Variants in NME9 observed in about 807,000 individuals in gnomAD.
NME9 encodes the protein NME/NM23 family member 9.
Under a neutral mutation model 44.4 loss-of-function variants are expected in NME9, and 48 were observed. The ratio of observed to expected loss-of-function variants is 1.08; its 90% CI spans 0.86 to 1.37. NME9 has a LOEUF of 1.37. Among genes scored for constraint, NME9 ranks in the 40% most tolerant of loss-of-function variants. NME9 has a pLI of 0.00. For synonymous variants in NME9, 139 were observed against 147.1 expected, an observed-to-expected ratio of 0.94 and a Z score of 0.40; for missense variants, 325 against 405.2, an observed-to-expected ratio of 0.80 and a Z score of 1.70.
intron 6 of NME9, among the ~76,000 whole-genome samples, chr3:138,306,987 C>T (rs1393788646): frequency 6.6e-6 from 1 of 152,224 alleles, no homozygotes; most frequent in African/African-American, 2.4e-5. Flanking sequence ...ACTCTACTGG[C>T]TCCTGTGCCT....
At chr3:138,282,887 T>A (rs2050073105) in intron 8 of NME9, among the ~76,000 whole-genome samples, 1 of 152,156 alleles carries the variant, frequency 6.6e-6, no homozygotes, top group Non-Finnish European at 1.5e-5. Flanking sequence ...AGAGTGCAGA[T>A]TATTATTGAT....
intron 8 of NME9, among the ~76,000 whole-genome samples, chr3:138,294,857 T>G (rs1305275336): frequency 6.6e-6 from 1 of 151,966 alleles, no homozygotes; most frequent in Non-Finnish European, 1.5e-5. Flanking sequence ...ACTGTTCACA[T>G]TATTTTTTGG....
At chr3:138,287,825 C>T in intron 8 of NME9, 1 of 345,180 alleles carries the variant, frequency 2.9e-6, no homozygotes, top group South Asian at 2.4e-5. Flanking sequence ...TTGATACTCT[C>T]TCAGATGTGC....
At position 138,263,986 on chromosome 3, in the gene NME9, A is replaced by G. The variant is rs904822668; in HGVS notation, c.746-1400T>C. The G allele has an allele frequency of 7.4e-6, 7 of 952,044 alleles. No individual in the cohort carries two copies. The African/African-American group carries it at 9.7e-5, about 13-fold the overall frequency. The allele number at this position is 952,044 out of a possible 1,614,324, so 59.0% of individuals were successfully genotyped here. ...TGTCTAACAGAGAGCCTGGCCTCCA[A>G]ACCCCATAAAGTGGTCTGATGTAGT... On this transcript the variant is annotated intron_variant, in intron 8 of 8. Transcript: ENST00000317876.
At chr3:138,264,616 CACCATA>C (rs2048092263) in intron 8 of NME9, among the ~76,000 whole-genome samples, 1 of 151,354 alleles carries the variant, frequency 6.6e-6, no homozygotes. Flanking sequence ...GGCGGGGTTT[CACCATA>C]TTGGTCAGGC....
chr3:138,301,392 A>G lies in NME9; in HGVS notation c.*248T>C. The G allele has an allele frequency of 8.0e-6, 5 of 626,192 alleles. No homozygotes were observed. Among genetic ancestry groups the G allele is most frequent in the Non-Finnish European group, 1.2e-5 (5 of 427,200 alleles). The allele number at this position is 626,192 out of a possible 1,614,324, so 38.8% of individuals were successfully genotyped here. Reference sequence around the variant, plus strand: ...CTAATTTTTTGTATTTTTAGTAGAGACAGGGTTTCACCATGTTGGCTAGGC... The same window carrying G: ...CTAATTTTTTGTATTTTTAGTAGAGGCAGGGTTTCACCATGTTGGCTAGGC... On this transcript the variant is annotated 3_prime_UTR_variant, in exon 11 of 11. Coordinates refer to ENST00000333911, the MANE Select transcript of NME9 (RefSeq NM_001349018.2).
chr3:138,323,648 T>C (rs1406282929), intron 2 of NME9, among the ~76,000 whole-genome samples: 2 of 152,136 alleles, frequency 1.3e-5, no homozygotes, highest in Non-Finnish European at 2.9e-5. Context: ...ATTTCTACAG[T>C]TGGTGATGGG....
At chr3:138,315,672 A>G (rs1477790192) in intron 4 of NME9, 29 bp from the exon 5 acceptor site, 4 of 1,462,994 alleles carry the variant, frequency 2.7e-6, no homozygotes, top group Non-Finnish European at 3.7e-6. Flanking sequence ...AGCATGAAAT[A>G]CTCTTGGCAA....
chr3:138,315,069 T>C (rs983543059), intron 5 of NME9, among the ~76,000 whole-genome samples: 2 of 152,246 alleles, frequency 1.3e-5, no homozygotes, highest in African/African-American at 4.8e-5. Flanking sequence ...TTGCTGATTC[T>C]ATTTCTCATG....
chr3:138,325,795 GA>G (rs1174379997), intron 1 of NME9, among the ~76,000 whole-genome samples: 4 of 106,310 alleles, frequency 3.8e-5, no homozygotes, highest in Admixed American at 1.2e-4. Flanking sequence ...AAGATTTAGG[GA>G]TTTTTTTTTT....
chr3:138,318,765 T>G (rs958440805), intron 3 of NME9, among the ~76,000 whole-genome samples: 1 of 152,234 alleles, frequency 6.6e-6, no homozygotes, highest in Non-Finnish European at 1.5e-5. Flanking sequence ...TCTTGCACAC[T>G]TCTCTGGAAT....
chr3:138,310,997 C>T (rs146480343), intron 6 of NME9, among the ~76,000 whole-genome samples: 21 of 151,898 alleles, frequency 1.4e-4, no homozygotes, highest in Admixed American at 7.2e-4. Context: ...ATAAAATCAA[C>T]GAAACTTTAG....
intron 9 of NME9, among the ~76,000 whole-genome samples, chr3:138,304,562 T>A (rs1382577674): frequency 2.6e-5 from 4 of 152,172 alleles, no homozygotes; most frequent in African/African-American, 7.2e-5. Context: ...AGAATCTGTA[T>A]GTTCCTGGGA....
chr3:138,329,734 C>G lies in NME9; in HGVS notation c.-399G>C. The G allele has an allele frequency of 1.9e-6, 2 of 1,048,356 alleles. No individual in the cohort carries two copies. The highest frequency in any genetic ancestry group is 2.3e-6 in the Non-Finnish European group (2 of 870,290). The allele number at this position is 1,048,356 out of a possible 1,614,324, so 64.9% of individuals were successfully genotyped here. ...AAAAACGACATGGGACCCTGTTATCCCTGCTGTTCTTATGGATTACTGGGA... is the reference window on the plus strand; with the variant it reads ...AAAAACGACATGGGACCCTGTTATCGCTGCTGTTCTTATGGATTACTGGGA... On this transcript the variant is annotated 5_prime_UTR_variant, in exon 1 of 11. Coordinates refer to ENST00000333911, the MANE Select transcript of NME9 (RefSeq NM_001349018.2).
In NME9 at chr3:138,318,139, T is replaced by C; in HGVS notation, c.267+9A>G. The C allele has an allele frequency of 6.4e-7, 1 of 1,550,748 alleles. No homozygotes were observed. Among genetic ancestry groups the C allele is most frequent in the Admixed American group, 1.7e-5 (1 of 59,950 alleles). On this transcript the variant is annotated intron_variant, in intron 4 of 10. Transcript: ENST00000333911. ...CGTCAAATAGTTCTGATTCTGAAAATGTACTTACTGCATAAAACAGAAAGG... is the reference window on the plus strand; with the variant it reads ...CGTCAAATAGTTCTGATTCTGAAAACGTACTTACTGCATAAAACAGAAAGG...
intron 8 of NME9, chr3:138,284,384 T>C: frequency 6.8e-7 from 1 of 1,466,876 alleles, no homozygotes; most frequent in Non-Finnish European, 9.5e-7. Flanking sequence ...AGCTTGACTC[T>C]GGGACTTCAG....
intron 7 of NME9, 32 bp from the exon 8 acceptor site, chr3:138,306,128 T>C: frequency 6.9e-7 from 1 of 1,453,238 alleles, no homozygotes; most frequent in Non-Finnish European, 9.6e-7. Flanking sequence ...TCTAAAAGGG[T>C]AAATCAAGCC....
At chr3:138,274,269 T>C (rs1409770363) in intron 8 of NME9, among the ~76,000 whole-genome samples, 2 of 151,816 alleles carry the variant, frequency 1.3e-5, no homozygotes, top group African/African-American at 4.9e-5. Flanking sequence ...GTATGACATA[T>C]TTGAAGGCAA....
rs538505975 is a variant in NME9 at position 138,301,555 on chromosome 3, C to T, written c.*85G>A. ...ACAGCTAAACCAAAAAGTATTGGTACTCAAAAGAGTAAGTTCCGATTCCGG... is the reference window on the plus strand; with the variant it reads ...ACAGCTAAACCAAAAAGTATTGGTATTCAAAAGAGTAAGTTCCGATTCCGG... On this transcript the variant is annotated 3_prime_UTR_variant, in exon 11 of 11. Transcript: ENST00000333911. 6 of 1,515,458 alleles carry T rather than the reference C, an allele frequency of 4.0e-6. No homozygotes were observed. The highest frequency in any genetic ancestry group is 4.4e-6 in the Non-Finnish European group (5 of 1,137,902). 93.9% of individuals were successfully genotyped at this position (1,515,458 alleles called of 1,614,324 possible).
Sources: allele counts gnomAD v4.1 joint callset (sites outside exome capture counted in the v4.1 genomes callset), GRCh38; gene constraint gnomAD v4.1.1; transcripts MANE v1.5; gene names NCBI Gene and HGNC (gene_info 2026-07-23, HGNC 2026-07-21).